Variants in MAP4K5 observed in about 807,000 individuals in gnomAD.
MAP4K5 encodes MAPK/ERK kinase kinase kinase 5.
A neutral mutation model predicts 135.6 loss-of-function variants in MAP4K5; 82 were observed. The observed-to-expected ratio is 0.60, with a 90% CI of 0.51 to 0.73. MAP4K5 has a LOEUF of 0.73. MAP4K5 is among the 30% of genes least tolerant of loss of function. The probability of loss-of-function intolerance (pLI) is 0.00; values close to 1 mark genes in which losing one functional copy is unlikely to be tolerated. For synonymous variants in MAP4K5, 347 were observed against 335.0 expected (o/e 1.04, Z -0.39); for missense variants, 907 against 1,010.9 (o/e 0.90, Z 1.39).
At chr14:50,493,245 A>G (rs1385006068) in intron 3 of MAP4K5, among the ~76,000 whole-genome samples, 1 of 152,036 alleles carries the variant, frequency 6.6e-6, no homozygotes, top group African/African-American at 2.4e-5. Flanking sequence ...GACTACAGGT[A>G]TATGCTGCCA....
chr14:50,520,764 G>T (rs556996119), intron 2 of MAP4K5, among the ~76,000 whole-genome samples: 1 of 151,874 alleles, frequency 6.6e-6, no homozygotes, highest in Non-Finnish European at 1.5e-5. Flanking sequence ...AACCAAAAAC[G>T]GGACCGTTTC....
At chr14:50,435,891 C>CT (rs1566638566) in intron 26 of MAP4K5, among the ~76,000 whole-genome samples, 1 of 152,180 alleles carries the variant, frequency 6.6e-6, no homozygotes, top group East Asian at 1.9e-4. Context: ...GCATTAAACT[C>CT]TAAAGTATTA....
At chr14:50,446,482 A>C (rs1387266349) in intron 16 of MAP4K5, among the ~76,000 whole-genome samples, 2 of 152,204 alleles carry the variant, frequency 1.3e-5, no homozygotes, top group African/African-American at 2.4e-5. Context: ...TTTGTTACTC[A>C]AAGTAGATCC....
At chr14:50,490,815 G>A (rs2037467614) in intron 3 of MAP4K5, among the ~76,000 whole-genome samples, 1 of 152,168 alleles carries the variant, frequency 6.6e-6, no homozygotes. Context: ...GCTACCATCA[G>A]TGCATCAAAA....
chr14:50,421,251 TTTTTTA>T (rs566888359), intron 32 of MAP4K5, among the ~76,000 whole-genome samples: 132 of 152,146 alleles, frequency 8.7e-4, no homozygotes, highest in African/African-American at 3.0e-3. Context: ...ACAAAATAAT[TTTTTTA>T]TTTTTATTTT....
intron 3 of MAP4K5, among the ~76,000 whole-genome samples, chr14:50,500,298 A>G (rs1009575055): frequency 2.6e-5 from 4 of 152,198 alleles, no homozygotes; most frequent in Non-Finnish European, 5.9e-5. Flanking sequence ...TATGCAGCGA[A>G]CTAAAATAAC....
At chr14:50,446,313 A>G (rs1036681360) in intron 16 of MAP4K5, among the ~76,000 whole-genome samples, 192 bp from the exon 17 acceptor site, 1 of 152,208 alleles carries the variant, frequency 6.6e-6, no homozygotes, top group Non-Finnish European at 1.5e-5. Flanking sequence ...TATAAAATAA[A>G]GATTTTAAAA....
At chr14:50,480,979 G>A (rs2037228421) in intron 6 of MAP4K5, among the ~76,000 whole-genome samples, 1 of 151,956 alleles carries the variant, frequency 6.6e-6, no homozygotes. Flanking sequence ...GAAATGTTAT[G>A]CAGTACAGGA....
At chr14:50,492,735 CTA>C (rs1227767158) in intron 3 of MAP4K5, among the ~76,000 whole-genome samples, 8 of 152,044 alleles carry the variant, frequency 5.3e-5, no homozygotes, top group African/African-American at 1.9e-4. Flanking sequence ...GTAAAGAAAA[CTA>C]TCAGACTCAT....
chr14:50,553,457 G>A (rs186552855), intron 1 of MAP4K5, among the ~76,000 whole-genome samples: 1 of 152,062 alleles, frequency 6.6e-6, no homozygotes, highest in Non-Finnish European at 1.5e-5. Flanking sequence ...AAAAATAGAT[G>A]TTGGCATGGA....
chr14:50,535,055 G>A (rs2140138294), upstream of MAP4K5, among the ~76,000 whole-genome samples: 1 of 152,282 alleles, frequency 6.6e-6, no homozygotes, highest in African/African-American at 2.4e-5. Context: ...GGCTTGATAG[G>A]TCCTTCATTC....
intron 3 of MAP4K5, among the ~76,000 whole-genome samples, chr14:50,498,907 GA>G (rs1282334896): frequency 6.6e-6 from 1 of 152,134 alleles, no homozygotes; most frequent in Non-Finnish European, 1.5e-5. Flanking sequence ...GCAAGTTTTT[GA>G]AAGCTGCTAA....
At chr14:50,480,324 T>C (rs2037209096) in intron 6 of MAP4K5, among the ~76,000 whole-genome samples, 1 of 152,060 alleles carries the variant, frequency 6.6e-6, no homozygotes, top group Non-Finnish European at 1.5e-5. Flanking sequence ...CACTCTGTTA[T>C]ATTAAAATAT....
chr14:50,475,414 G>A (rs1476972630), intron 8 of MAP4K5, among the ~76,000 whole-genome samples: 2 of 151,410 alleles, frequency 1.3e-5, no homozygotes, highest in African/African-American at 4.9e-5. Flanking sequence ...AAGTTAATTT[G>A]GGAAAAAGAG....
upstream of MAP4K5, among the ~76,000 whole-genome samples, chr14:50,535,015 T>C (rs1049752666): frequency 2.0e-5 from 3 of 152,258 alleles, no homozygotes; most frequent in African/African-American, 7.2e-5. Context: ...CCCAGTTTCA[T>C]ATGACAAGGT....
chr14:50,523,274 G>A (rs574837560), intron 2 of MAP4K5, among the ~76,000 whole-genome samples: 9 of 152,066 alleles, frequency 5.9e-5, no homozygotes, highest in African/African-American at 1.7e-4. Context: ...TCACACCATT[G>A]CACTCCAGCC....
intron 2 of MAP4K5, among the ~76,000 whole-genome samples, chr14:50,505,913 G>C (rs2037800266): frequency 6.9e-6 from 1 of 144,712 alleles, no homozygotes; most frequent in Non-Finnish European, 1.6e-5. Flanking sequence ...GGTATTACTA[G>C]GTCAAAGGTT....
chr14:50,559,942 T>C, intron 1 of MAP4K5: 1 of 425,670 alleles, frequency 2.3e-6, no homozygotes, highest in East Asian at 4.3e-5. Context: ...AGGGGGGTGC[T>C]GTTTATTTGT....
chr14:50,485,128 T>A (rs1595499837), intron 5 of MAP4K5, among the ~76,000 whole-genome samples: 1 of 152,142 alleles, frequency 6.6e-6, no homozygotes, highest in South Asian at 2.1e-4. Context: ...CCTAAATTAA[T>A]ATGAATACTA....
Sources: gnomAD v4.1 joint callset for allele counts (sites outside exome capture counted in the v4.1 genomes callset) on GRCh38, gnomAD v4.1.1 for gene constraint, MANE v1.5 for transcripts, NCBI Gene and HGNC (gene_info 2026-07-23, HGNC 2026-07-21) for gene names.